The following TFDP2 variants were observed in gnomAD, a reference collection of about 807,000 sequenced individuals.
TFDP2 encodes transcription factor Dp-2 (E2F dimerization partner 2).
In TFDP2, 17 loss-of-function variants were observed where a neutral mutation model predicts 59.3. The observed-to-expected ratio is 0.29, with a 90% CI of 0.20 to 0.43. The LOEUF is 0.43. Ranked by LOEUF, TFDP2 falls within the 20% of genes least tolerant of loss-of-function variation. The pLI, the probability that TFDP2 is intolerant of heterozygous loss-of-function variation, is 1.00. For missense variants in TFDP2, 391 were observed against 528.8 expected, an observed-to-expected ratio of 0.74 and a Z score of 2.56; for synonymous variants, 180 against 194.7, an observed-to-expected ratio of 0.92 and a Z score of 0.63.
At chr3:141,966,666 T>C (rs1012525293) in intron 9 of TFDP2, among the ~76,000 whole-genome samples, 1 of 151,792 alleles carries the variant, frequency 6.6e-6, no homozygotes, top group African/African-American at 2.4e-5. Context: ...AGTGTGTTCA[T>C]TCATTTTCCT....
At chr3:142,001,455 C>T (rs1209283496) in intron 4 of TFDP2, among the ~76,000 whole-genome samples, 3 of 152,160 alleles carry the variant, frequency 2.0e-5, no homozygotes, top group Non-Finnish European at 4.4e-5. Context: ...CACTCTGGGC[C>T]TGTGATGGGA....
chr3:142,040,053 C>A (rs1470958020), intron 3 of TFDP2, among the ~76,000 whole-genome samples: 3 of 152,096 alleles, frequency 2.0e-5, no homozygotes, highest in Non-Finnish European at 4.4e-5. Flanking sequence ...TCAGTCTCTA[C>A]TGTTCTTGTA....
At chr3:142,116,821 T>G (rs1042088951) in intron 1 of TFDP2, among the ~76,000 whole-genome samples, 2 of 152,222 alleles carry the variant, frequency 1.3e-5, no homozygotes, top group East Asian at 3.8e-4. Context: ...TTTTACTAAT[T>G]TTATATTCCA....
chr3:142,066,153 A>G (rs1179231394), intron 3 of TFDP2, among the ~76,000 whole-genome samples: 1 of 151,970 alleles, frequency 6.6e-6, no homozygotes, highest in Non-Finnish European at 1.5e-5. Context: ...CATTCCAGCA[A>G]CTCTCTCAGT....
intron 1 of TFDP2, among the ~76,000 whole-genome samples, chr3:142,131,420 A>G (rs892041994): frequency 6.7e-6 from 1 of 150,266 alleles, no homozygotes; most frequent in Non-Finnish European, 1.5e-5. Context: ...AAATCAGGGC[A>G]CATAAAATGT....
chr3:142,133,235 T>C (rs2062582397), intron 1 of TFDP2, among the ~76,000 whole-genome samples: 1 of 150,060 alleles, frequency 6.7e-6, no homozygotes, highest in African/African-American at 2.5e-5. Context: ...GAGGATGTTT[T>C]GGAGAGAGTC....
chr3:141,998,195 TG>T (rs1305887700), intron 4 of TFDP2, among the ~76,000 whole-genome samples: 1 of 151,420 alleles, frequency 6.6e-6, no homozygotes, highest in African/African-American at 2.4e-5. Context: ...ATAATGAGAG[TG>T]AAACGTAAGA....
At chr3:142,054,230 G>A (rs1310981226) in intron 3 of TFDP2, 4 of 152,112 alleles carry the variant, frequency 2.6e-5, no homozygotes, top group African/African-American at 9.7e-5. Flanking sequence ...TGCTCCACAA[G>A]TGAAACAACA....
At chr3:142,058,306 A>G (rs1270116885) in intron 3 of TFDP2, among the ~76,000 whole-genome samples, 1 of 151,276 alleles carries the variant, frequency 6.6e-6, no homozygotes, top group Non-Finnish European at 1.5e-5. Context: ...CACTTCTGAC[A>G]CCAAATGTTT....
chr3:142,010,514 C>A (rs1316700667), intron 3 of TFDP2, among the ~76,000 whole-genome samples: 7 of 148,154 alleles, frequency 4.7e-5, no homozygotes, highest in Non-Finnish European at 1.0e-4. Flanking sequence ...GGGGCTGAGG[C>A]AGGAGAATCG....
chr3:141,991,687 T>C (rs1942784620), intron 6 of TFDP2, among the ~76,000 whole-genome samples: 1 of 152,144 alleles, frequency 6.6e-6, no homozygotes, highest in Non-Finnish European at 1.5e-5. Flanking sequence ...AGGCAGAGGA[T>C]GCAGTGAGCC....
intron 3 of TFDP2, among the ~76,000 whole-genome samples, chr3:142,014,975 A>G (rs1197434449): frequency 1.3e-5 from 2 of 152,044 alleles, no homozygotes; most frequent in African/African-American, 4.8e-5. Context: ...ATTTTCCCCC[A>G]CAATTCCACT....
In TFDP2 at chr3:142,103,842, T is replaced by TA. The variant is rs1479491376; in HGVS notation, c.-92-2002dup. On this transcript the variant is annotated intron_variant, in intron 1 of 12. Transcript: ENST00000489671. ...GGCTTCAAATGGCTGCCTTATATGT[T>TA]AGAATTTGAATCTACAAGTAAAATT... Among the ~76,000 whole-genome samples, 3 of 152,284 alleles carry TA rather than the reference T, an allele frequency of 2.0e-5. No individual in the cohort carries two copies. The East Asian group carries it at 5.8e-4, about 29-fold the overall frequency.
chr3:141,964,012 G>A (rs1937599232), intron 9 of TFDP2, 49 bp from the exon 10 acceptor site: 1 of 1,545,394 alleles, frequency 6.5e-7, no homozygotes, highest in Non-Finnish European at 8.8e-7. Flanking sequence ...TAAGTGAGTT[G>A]GAATTTAAAA....
intron 8 of TFDP2, among the ~76,000 whole-genome samples, chr3:141,971,374 TAAAAAAAA>T (rs56219575): frequency 2.0e-4 from 16 of 80,026 alleles, no homozygotes; most frequent in African/African-American, 5.6e-4. Context: ...TCGTCTCTAC[TAAAAAAAA>T]AAAAAAAAAA....
rs142625350 is a variant in TFDP2 at position 142,005,080 on chromosome 3, C to G, written c.186+361G>C. ...TTTTTCTTTTTGAGACAGGGTCTTGCTTTATCACCCAGGCAGGAGTGCAGT... is the reference window on the plus strand; with the variant it reads ...TTTTTCTTTTTGAGACAGGGTCTTGGTTTATCACCCAGGCAGGAGTGCAGT... On this transcript the variant is annotated intron_variant, in intron 4 of 12. Transcript: ENST00000489671. Among the ~76,000 whole-genome samples, 347 of 152,322 alleles carry G rather than the reference C, an allele frequency of 2.3e-3. 1 individual carries two copies. Among genetic ancestry groups the G allele is most frequent in the African/African-American group, 7.9e-3 (328 of 41,572 alleles).
At chr3:141,968,839 T>C (rs1368844431) in intron 9 of TFDP2, among the ~76,000 whole-genome samples, 2 of 80,042 alleles carry the variant, frequency 2.5e-5, no homozygotes, top group African/African-American at 1.2e-4. Context: ...ATATATCTCA[T>C]ATATATAGAT....
intron 3 of TFDP2, among the ~76,000 whole-genome samples, chr3:142,022,423 C>A (rs1313096784): frequency 6.6e-6 from 1 of 152,186 alleles, no homozygotes; most frequent in Non-Finnish European, 1.5e-5. Context: ...TCTTCTGTTT[C>A]TTGTTCTTAA....
At chr3:142,086,925 A>G (rs2060824487) in intron 3 of TFDP2, among the ~76,000 whole-genome samples, 1 of 152,224 alleles carries the variant, frequency 6.6e-6, no homozygotes, top group Non-Finnish European at 1.5e-5. Context: ...TGAGGGATTT[A>G]GGAGCTCTGT....
Sources: gnomAD v4.1 joint callset for allele counts (sites outside exome capture counted in the v4.1 genomes callset) on GRCh38, gnomAD v4.1.1 for gene constraint, MANE v1.5 for transcripts, NCBI Gene and HGNC (gene_info 2026-07-23, HGNC 2026-07-21) for gene names.